The following MBOAT2 variants were observed in gnomAD, a reference collection of about 807,000 sequenced individuals.
MBOAT2 encodes the protein membrane-bound glycerophospholipid O-acyltransferase 2.
Under a neutral mutation model 63.4 loss-of-function variants are expected in MBOAT2, and 28 were observed. The ratio of observed to expected loss-of-function variants is 0.44; its 90% confidence interval spans 0.33 to 0.61. The LOEUF (loss-of-function observed/expected upper bound fraction) is 0.61, where lower values mean the gene tolerates loss of function less well. Among genes scored for constraint, MBOAT2 ranks in the 20% least tolerant of loss-of-function variants. MBOAT2 has a pLI of 0.03. For missense variants in MBOAT2, 470 were observed against 605.8 expected, an observed-to-expected ratio of 0.78 and a Z score of 2.35; for synonymous variants, 211 against 215.6, an observed-to-expected ratio of 0.98 and a Z score of 0.19.
intron 3 of MBOAT2, among the ~76,000 whole-genome samples, chr2:8,933,048 C>T (rs370461317): frequency 6.6e-6 from 1 of 152,140 alleles, no homozygotes; most frequent in Admixed American, 6.5e-5. Flanking sequence ...ACATGAACCA[C>T]AATTTTTATA....
intron 3 of MBOAT2, among the ~76,000 whole-genome samples, chr2:8,924,766 T>C (rs909541862): frequency 2.6e-5 from 4 of 151,948 alleles, no homozygotes; most frequent in African/African-American, 9.6e-5. Flanking sequence ...AGTAAGATAA[T>C]GAAGTCACTT....
At chr2:8,947,979 T>C (rs1034353361) in intron 2 of MBOAT2, among the ~76,000 whole-genome samples, 11 of 152,174 alleles carry the variant, frequency 7.2e-5, no homozygotes, top group African/African-American at 2.4e-4. Context: ...GCAAACTAAA[T>C]AGAAAACTTT....
intron 1 of MBOAT2, among the ~76,000 whole-genome samples, chr2:9,000,674 C>T (rs1672619081): frequency 1.3e-5 from 2 of 152,188 alleles, no homozygotes; most frequent in Non-Finnish European, 2.9e-5. Flanking sequence ...TAGTCTGCTA[C>T]ACACCTAGAC....
At chr2:8,930,964 T>TC (rs1667276882) in intron 3 of MBOAT2, among the ~76,000 whole-genome samples, 1 of 152,192 alleles carries the variant, frequency 6.6e-6, no homozygotes, top group Non-Finnish European at 1.5e-5. Context: ...AGCTTTTTTT[T>TC]CTCTCGGTCT....
intron 1 of MBOAT2, among the ~76,000 whole-genome samples, chr2:8,969,995 A>G (rs965677528): frequency 2.6e-5 from 4 of 152,192 alleles, no homozygotes; most frequent in African/African-American, 9.7e-5. Flanking sequence ...CCAGGAATTG[A>G]ACTCAGCTCT....
intron 2 of MBOAT2, among the ~76,000 whole-genome samples, chr2:8,955,082 A>G (rs1669118560): frequency 1.3e-5 from 2 of 152,184 alleles, no homozygotes; most frequent in Non-Finnish European, 2.9e-5. Context: ...GCTTTCCACA[A>G]TTCTGGCTAT....
chr2:8,907,697 G>T (rs1665431793), intron 4 of MBOAT2, among the ~76,000 whole-genome samples: 2 of 152,080 alleles, frequency 1.3e-5, no homozygotes, highest in African/African-American at 4.8e-5. Context: ...TTGGCCTTGG[G>T]TTTTATTTGT....
chr2:8,920,110 A>C (rs942580787), intron 3 of MBOAT2, among the ~76,000 whole-genome samples: 1 of 152,164 alleles, frequency 6.6e-6, no homozygotes, highest in Non-Finnish European at 1.5e-5. Context: ...ATATCTAAGA[A>C]GTCTTTGCCC....
At chr2:8,884,227 C>A (rs1034499701) in intron 5 of MBOAT2, among the ~76,000 whole-genome samples, 1 of 138,098 alleles carries the variant, frequency 7.2e-6, no homozygotes, top group Non-Finnish European at 1.5e-5. Context: ...AAAAGTCTGG[C>A]TCTGAGAAAT....
chr2:8,970,900 A>C (rs577718844), intron 1 of MBOAT2, among the ~76,000 whole-genome samples: 2 of 151,886 alleles, frequency 1.3e-5, no homozygotes, highest in South Asian at 4.2e-4. Context: ...AACCAAAAAA[A>C]GTCCAGACAC....
At chr2:8,903,261 G>T (rs1381746556) in intron 4 of MBOAT2, among the ~76,000 whole-genome samples, 1 of 152,074 alleles carries the variant, frequency 6.6e-6, no homozygotes, top group Non-Finnish European at 1.5e-5. Context: ...AGATCACATG[G>T]TCTATCACTT....
intron 4 of MBOAT2, among the ~76,000 whole-genome samples, chr2:8,895,363 T>C (rs911433092): frequency 6.6e-6 from 1 of 152,128 alleles, no homozygotes; most frequent in Non-Finnish European, 1.5e-5. Flanking sequence ...AGAGTGCTGA[T>C]TGGTCCGTTT....
At chr2:8,900,583 T>C (rs1400813656) in intron 4 of MBOAT2, among the ~76,000 whole-genome samples, 1 of 152,166 alleles carries the variant, frequency 6.6e-6, no homozygotes, top group Non-Finnish European at 1.5e-5. Context: ...GGTTTTGTGG[T>C]ACTTTGGAGA....
At chr2:8,935,905 T>G (rs1667629662) in intron 3 of MBOAT2, among the ~76,000 whole-genome samples, 1 of 152,152 alleles carries the variant, frequency 6.6e-6, no homozygotes, top group South Asian at 2.1e-4. Context: ...CTGTTCAATT[T>G]TATCATCAAT....
At chr2:8,994,422 C>T (rs1672128486) in intron 1 of MBOAT2, among the ~76,000 whole-genome samples, 1 of 152,156 alleles carries the variant, frequency 6.6e-6, no homozygotes, top group South Asian at 2.1e-4. Context: ...GCGAGGACCC[C>T]GCATGGGATC....
Position 8,877,012 on chromosome 2 carries a change from T to C in MBOAT2, c.690+18A>G. 6.3e-7 allele frequency: 1 copy of C among 1,591,992 alleles called. No homozygotes were observed. Among genetic ancestry groups the C allele is most frequent in the Non-Finnish European group, 8.5e-7 (1 of 1,171,024 alleles). On this transcript the variant is annotated intron_variant, in intron 7 of 12. Transcript: ENST00000305997. ...CAATACATGCTGTAAAGGCTCCAGA[T>C]AAATCTCATGACCTTACATTTGGAG...
At chr2:8,901,508 A>G (rs1035736719) in intron 4 of MBOAT2, among the ~76,000 whole-genome samples, 10 of 152,180 alleles carry the variant, frequency 6.6e-5, no homozygotes, top group African/African-American at 2.4e-4. Context: ...CATGTACTAT[A>G]AAGATGTTAT....
At chr2:8,978,615 A>G (rs533479798) in intron 1 of MBOAT2, among the ~76,000 whole-genome samples, 1 of 152,184 alleles carries the variant, frequency 6.6e-6, no homozygotes, top group African/African-American at 2.4e-5. Flanking sequence ...TTGAGTAATG[A>G]GAACACATAG....
chr2:8,992,567 C>G (rs1220270174), intron 1 of MBOAT2, among the ~76,000 whole-genome samples: 1 of 151,350 alleles, frequency 6.6e-6, no homozygotes, highest in Non-Finnish European at 1.5e-5. Context: ...AAGCAGGGAG[C>G]TATCTATTTT....
Sources: allele counts gnomAD v4.1 joint callset (sites outside exome capture counted in the v4.1 genomes callset), GRCh38; gene constraint gnomAD v4.1.1; transcripts MANE v1.5; gene names NCBI Gene and HGNC (gene_info 2026-07-23, HGNC 2026-07-21).